The following CHD2 variants were observed in gnomAD, a reference collection of about 807,000 sequenced individuals.
CHD2 encodes the protein chromodomain helicase DNA binding protein 2.
Under a neutral mutation model 243.9 loss-of-function variants are expected in CHD2, and 28 were observed. The observed-to-expected ratio is 0.11, with a 90% CI of 0.09 to 0.16. CHD2 has a LOEUF of 0.16. Among genes scored for constraint, CHD2 ranks in the 10% least tolerant of loss-of-function variants. The pLI is 1.00. For synonymous variants in CHD2, 775 were observed against 779.0 expected (o/e 0.99, Z 0.09); for missense variants, 1,386 against 2,209.8 (o/e 0.63, Z 7.47).
At chr15:92,983,557 G>T (rs2054005848) in intron 24 of CHD2, among the ~76,000 whole-genome samples, 1 of 152,158 alleles carries the variant, frequency 6.6e-6, no homozygotes, top group African/African-American at 2.4e-5. Flanking sequence ...AGAATGCGGA[G>T]CCAGGCTGGG....
intron 32 of CHD2, among the ~76,000 whole-genome samples, chr15:93,001,005 A>C (rs1197810955): frequency 6.6e-6 from 1 of 152,152 alleles, no homozygotes; most frequent in African/African-American, 2.4e-5. Context: ...AGTAGCTGGG[A>C]TTACAGGCAC....
intron 27 of CHD2, 71 bp from the exon 28 acceptor site, chr15:92,992,787 AG>A: frequency 6.4e-7 from 1 of 1,566,746 alleles, no homozygotes; most frequent in Non-Finnish European, 8.7e-7. Flanking sequence ...TGTGAGGCCT[AG>A]TGGCATCTCA....
chr15:92,920,814 A>G (rs1160715271), intron 2 of CHD2, among the ~76,000 whole-genome samples: 2 of 152,246 alleles, frequency 1.3e-5, no homozygotes, highest in African/African-American at 4.8e-5. Context: ...ATTCTAGCAA[A>G]TGAATGTGCA....
intron 2 of CHD2, chr15:92,902,350 T>G: frequency 2.5e-6 from 1 of 392,690 alleles, no homozygotes; most frequent in Non-Finnish European, 4.5e-6. Context: ...ATGCATTTTT[T>G]GATGTGTTCT....
intron 7 of CHD2, among the ~76,000 whole-genome samples, chr15:92,940,939 AT>A (rs1275062106): frequency 9.4e-4 from 128 of 135,682 alleles, no homozygotes; most frequent in Admixed American, 3.7e-3. Flanking sequence ...TATATATAAA[AT>A]ATATATAAAT....
chr15:93,008,431 T>G (rs1358755188), intron 34 of CHD2, among the ~76,000 whole-genome samples: 3 of 152,204 alleles, frequency 2.0e-5, no homozygotes, highest in Non-Finnish European at 1.5e-5. Flanking sequence ...TTTAAACCGC[T>G]CCCCATTTTA....
chr15:92,996,495 A>G (rs2054190321), intron 28 of CHD2, among the ~76,000 whole-genome samples: 1 of 152,116 alleles, frequency 6.6e-6, no homozygotes, highest in Admixed American at 6.6e-5. Flanking sequence ...CCACTTGTTC[A>G]TCATTTCACA....
intron 28 of CHD2, among the ~76,000 whole-genome samples, chr15:92,994,831 T>G (rs566667042): frequency 3.9e-5 from 6 of 152,344 alleles, no homozygotes; most frequent in Middle Eastern, 3.4e-3. Context: ...TCCCTTTTTT[T>G]TGTGCATGTC....
At chr15:92,947,743 G>A (rs2053492439) in intron 12 of CHD2, among the ~76,000 whole-genome samples, 1 of 152,132 alleles carries the variant, frequency 6.6e-6, no homozygotes, top group East Asian at 1.9e-4. Context: ...GGGTAGGTTT[G>A]GTAGGAGTGG....
At chr15:92,914,458 T>C (rs1326130731) in intron 2 of CHD2, among the ~76,000 whole-genome samples, 2 of 152,236 alleles carry the variant, frequency 1.3e-5, no homozygotes, top group Non-Finnish European at 2.9e-5. Flanking sequence ...GCTAATAGTT[T>C]GGTGCTATGG....
intron 16 of CHD2, among the ~76,000 whole-genome samples, chr15:92,967,024 C>G (rs2053774367): frequency 6.6e-6 from 1 of 152,016 alleles, no homozygotes; most frequent in African/African-American, 2.4e-5. Flanking sequence ...TTCCATCTTA[C>G]CAGAGGGCAT....
intron 35 of CHD2, among the ~76,000 whole-genome samples, chr15:93,010,644 G>A (rs571573426): frequency 9.9e-5 from 15 of 152,042 alleles, no homozygotes; most frequent in Non-Finnish European, 2.2e-4. Context: ...GGCTGGTCTC[G>A]AGCTCCTGAC....
intron 37 of CHD2, among the ~76,000 whole-genome samples, chr15:93,019,262 A>G (rs2141893887): frequency 6.6e-6 from 1 of 152,324 alleles, no homozygotes; most frequent in East Asian, 1.9e-4. Flanking sequence ...AATAAACGTT[A>G]GATGTGTAAC....
chr15:92,939,650 T>C lies in CHD2; in HGVS notation c.624T>C (p.Ser208=). 6.2e-7 allele frequency: 1 copy of C among 1,614,132 alleles called. No homozygotes were observed. The highest frequency in any genetic ancestry group is 8.5e-7 in the Non-Finnish European group (1 of 1,180,020). ...GAAAGAGAAAAAAGCAAGATTCTTCTGATGAGGATGATGATGATGACGAAG... is the reference window on the plus strand; with the variant it reads ...GAAAGAGAAAAAAGCAAGATTCTTCCGATGAGGATGATGATGATGACGAAG... ...QRGKRKKQDS[S]DEDDDDDEAP... Residue 208 remains serine, a synonymous_variant, in exon 7 of 39, where the codon TCT becomes TCC. Transcript: ENST00000394196.
intron 16 of CHD2, among the ~76,000 whole-genome samples, chr15:92,965,542 C>T (rs1596414006): frequency 7.6e-6 from 1 of 132,034 alleles, no homozygotes; most frequent in African/African-American, 3.0e-5. Context: ...CCAGCCTGGG[C>T]GACAGAGCCG....
chr15:92,992,294 G>A (rs1048483523), intron 27 of CHD2, among the ~76,000 whole-genome samples: 1 of 152,104 alleles, frequency 6.6e-6, no homozygotes, highest in African/African-American at 2.4e-5. Flanking sequence ...ACCACCCAGG[G>A]GTAGACTGTC....
At chr15:93,007,719 T>A (rs936167796) in intron 34 of CHD2, among the ~76,000 whole-genome samples, 2 of 120,170 alleles carry the variant, frequency 1.7e-5, no homozygotes, top group East Asian at 6.6e-4. Flanking sequence ...AGTTCCCAGT[T>A]TTACCTTTAT....
intron 20 of CHD2, among the ~76,000 whole-genome samples, chr15:92,976,483 G>C (rs545642281): frequency 6.6e-6 from 1 of 151,426 alleles, no homozygotes; most frequent in African/African-American, 2.4e-5. Flanking sequence ...TACCTAATTC[G>C]GATCATGTTG....
At chr15:92,989,091 G>T (rs564101421) in intron 26 of CHD2, among the ~76,000 whole-genome samples, 2 of 147,120 alleles carry the variant, frequency 1.4e-5, no homozygotes, top group East Asian at 4.0e-4. Flanking sequence ...GAGTGCAATG[G>T]CGCGATTTTG....
Sources: gnomAD v4.1 joint callset for allele counts (sites outside exome capture counted in the v4.1 genomes callset) on GRCh38, gnomAD v4.1.1 for gene constraint, MANE v1.5 for transcripts, NCBI Gene and HGNC (gene_info 2026-07-23, HGNC 2026-07-21) for gene names.